Variants in PCDHA9 observed in about 807,000 individuals in gnomAD.
PCDHA9 encodes the protein protocadherin alpha-9.
Under a neutral mutation model 62.0 loss-of-function variants are expected in PCDHA9, and 62 were observed. The observed-to-expected ratio is 1.00, with a 90% CI of 0.81 to 1.23. The LOEUF is 1.23. Among genes scored for constraint, PCDHA9 ranks in the 50% most tolerant of loss-of-function variants. The probability of loss-of-function intolerance (pLI) is 0.00; values close to 1 mark genes in which losing one functional copy is unlikely to be tolerated. For synonymous variants in PCDHA9, 557 were observed against 567.6 expected, an observed-to-expected ratio of 0.98 and a Z score of 0.27; for missense variants, 1,205 against 1,249.8, an observed-to-expected ratio of 0.96 and a Z score of 0.54.
In PCDHA9 at chr5:140,848,723, G is replaced by T. The variant is rs2150418763; in HGVS notation, c.228G>T (p.Glu76Asp). 6.3e-7 allele frequency: 1 copy of T among 1,592,604 alleles called. No homozygotes were observed. Among genetic ancestry groups the T allele is most frequent in the South Asian group, 1.1e-5 (1 of 90,110 alleles). ...CCAAAGGCCGCGGGGACCTTCTGGA[G>T]GTAAATCTGCAGAATGGCATTTTGT... The part of the protein sequence containing the change: ...LDSKGRGDLL[E>D]VNLQNGILFV... The change falls in exon 1 of 4, where the codon GAG (glutamate) becomes GAT (aspartate). Residue 76 changes from glutamate to aspartate, a missense_variant. Physicochemically the swap from Glu to Asp is conservative, Grantham distance 45. This residue lies in a region of PCDHA9 where 208 missense variants were observed against 213.2 expected (regional missense o/e 0.98). Transcript: ENST00000532602.
intron 1 of PCDHA9, among the ~76,000 whole-genome samples, chr5:140,953,460 G>A (rs1025295552): frequency 1.3e-5 from 2 of 152,116 alleles, no homozygotes; most frequent in Non-Finnish European, 2.9e-5. Context: ...ATCTGTCAGA[G>A]TTTTAACTTC....
In PCDHA9 at chr5:140,848,635, G is replaced by A; in HGVS notation, c.140G>A (p.Arg47His). 2.5e-6 allele frequency: 4 copies of A among 1,593,292 alleles called. 1 individual carries two copies. Among genetic ancestry groups the A allele is most frequent in the Admixed American group, 1.7e-5 (1 of 59,228 alleles). Residue 47 changes from arginine (R) to histidine (H), a missense_variant, in exon 1 of 4, where the codon CGC becomes CAC. By Grantham distance (29) the Arg-to-His change is conservative. This residue lies in a region of PCDHA9 where 208 missense variants were observed against 213.2 expected (regional missense o/e 0.98). Transcript: ENST00000532602. ...GCCGAACACGGCACCTTCGTGGGCC[G>A]CATCGCGCAGGACCTGGGGCTGGAG... ...EEAEHGTFVG[R>H]IAQDLGLELA...
Position 141,010,492 on chromosome 5 carries a change from C to T in PCDHA9, c.*555C>T. 8.0e-6 allele frequency: 5 copies of T among 628,626 alleles called. No homozygotes were observed. 38.9% of individuals were successfully genotyped at this position (628,626 alleles called of 1,614,324 possible). On this transcript the variant is annotated 3_prime_UTR_variant, in exon 4 of 4. Coordinates refer to ENST00000532602, the MANE Select transcript of PCDHA9 (RefSeq NM_031857.2). ...AGGGGAAGTGTAAACTTAAAGGGAC[C>T]AGACTTTCTAAATCTTACAACTCAA... is the stretch of plus-strand genomic sequence containing the variant.
intron 1 of PCDHA9, chr5:140,869,028 G>C: frequency 1.3e-6 from 2 of 1,526,584 alleles, no homozygotes; most frequent in Non-Finnish European, 1.8e-6. Flanking sequence ...AATTCAACGA[G>C]ATTTTTAACC....
intron 1 of PCDHA9, chr5:140,876,139 A>G (rs1554168285): frequency 6.2e-7 from 1 of 1,613,960 alleles, no homozygotes; most frequent in South Asian, 1.1e-5. Context: ...ACCAGAACTA[A>G]CAGGGTCTGT....
rs963313279 is a variant in PCDHA9, at chr5:140,848,520, C to A, written c.25C>A (p.Pro9Thr). Residue 9 changes from proline (P) to threonine (T), a missense_variant, in exon 1 of 4, where the codon CCA (proline) becomes ACA (threonine). This residue lies in a region of PCDHA9 where 208 missense variants were observed against 213.2 expected (regional missense o/e 0.98). Coordinates refer to ENST00000532602, the MANE Select transcript of PCDHA9 (RefSeq NM_031857.2). MLYSSRGDPEGQPLLLSLL... is the reference protein window; with the variant it reads MLYSSRGDTEGQPLLLSLL... Reference sequence around the variant, plus strand: ...AATGTTATACTCAAGTCGAGGAGATCCAGAGGGTCAGCCTCTACTGCTCTC... The same window carrying A: ...AATGTTATACTCAAGTCGAGGAGATACAGAGGGTCAGCCTCTACTGCTCTC... The A allele has an allele frequency of 3.1e-6, 5 of 1,592,812 alleles. 1 individual carries two copies. The Admixed American group carries it at 5.1e-5, about 16-fold the overall frequency.
chr5:140,940,494 G>C (rs553813143), intron 1 of PCDHA9, among the ~76,000 whole-genome samples: 1 of 151,724 alleles, frequency 6.6e-6, no homozygotes, highest in East Asian at 1.9e-4. Context: ...GACAAGTCTT[G>C]CTCCGTCGCT....
rs529251467 is a variant in PCDHA9 at position 140,953,424 on chromosome 5, T to C, written c.2395-25525T>C. The stretch of plus-strand genomic sequence containing the variant: ...TGTTGCTCCTGGCTCCTCCCCTTTG[T>C]CCTTAAGCTGGAGAAACTAGGGATT... On this transcript the variant is annotated intron_variant, in intron 1 of 3. Transcript: ENST00000532602. 2.6e-5 allele frequency among the ~76,000 whole-genome samples: 4 copies of C among 152,230 alleles called. No individual in the cohort carries two copies. In the East Asian group the frequency reaches 7.7e-4, roughly 29 times the overall value.
chr5:140,913,569 A>G (rs1554195984), intron 1 of PCDHA9, among the ~76,000 whole-genome samples: 1 of 151,952 alleles, frequency 6.6e-6, no homozygotes, highest in Non-Finnish European at 1.5e-5. Flanking sequence ...TATTTTCATC[A>G]TTTCAAATAT....
rs781889029 is a variant in PCDHA9 at position 140,870,331 on chromosome 5, AGCGCCCTGGACC to A, written c.2394+19446_2394+19457del. The A allele has an allele frequency of 4.3e-6, 7 of 1,614,160 alleles. No homozygotes were observed. The South Asian group carries it at 7.7e-5, about 18-fold the overall frequency. Reference sequence around the variant, plus strand: ...GAATTACTACTCGTTGGTGCTGGACAGCGCCCTGGACCGCGAGAACGTGTGGGCCTATGAACT... The same window carrying A: ...GAATTACTACTCGTTGGTGCTGGACAGCGAGAACGTGTGGGCCTATGAACT... On this transcript the variant is annotated intron_variant, in intron 1 of 3. Coordinates refer to ENST00000532602, the MANE Select transcript of PCDHA9 (RefSeq NM_031857.2).
At chr5:140,886,631 G>T (rs1314948402) in intron 1 of PCDHA9, among the ~76,000 whole-genome samples, 1 of 151,860 alleles carries the variant, frequency 6.6e-6, no homozygotes. Context: ...TCCGAGACCA[G>T]CCTGGCCAAC....
Position 140,850,540 on chromosome 5 carries a change from C to T in PCDHA9, c.2045C>T (p.Ala682Val). ...CAGGCGCCAAAGTCATCGTCGCGGG[C>T]GTCAGTGGGTGCCACGGGCCCCGAG... ...SGQAPKSSSR[A>V]SVGATGPEVT... The change falls in exon 1 of 4, where the codon GCG becomes GTG. Residue 682 changes from alanine (A) to valine (V), a missense_variant. Coordinates refer to ENST00000532602, the MANE Select transcript of PCDHA9 (RefSeq NM_031857.2). 6.3e-7 allele frequency: 1 copy of T among 1,598,246 alleles called. No homozygotes were observed. Among genetic ancestry groups the T allele is most frequent in the Non-Finnish European group, 8.6e-7 (1 of 1,167,814 alleles).
Position 140,938,565 on chromosome 5 carries a change from A to G in PCDHA9, c.2395-40384A>G, listed in dbSNP as rs1347602327. Among the ~76,000 whole-genome samples the G allele has an allele frequency of 2.0e-5, 3 of 151,630 alleles. No individual in the cohort carries two copies. The East Asian group carries it at 5.8e-4, about 29-fold the overall frequency. On this transcript the variant is annotated intron_variant, in intron 1 of 3. Coordinates refer to ENST00000532602, the MANE Select transcript of PCDHA9 (RefSeq NM_031857.2). ...TTTTATCCTTTTATTAATAGCATGC[A>G]TTATATTGGTTGATTTGTTAATGAT...
chr5:140,982,633 A>G (rs2096992474), intron 3 of PCDHA9, 70 bp downstream of exon 3: 1 of 1,557,590 alleles, frequency 6.4e-7, no homozygotes, highest in Non-Finnish European at 8.7e-7. Flanking sequence ...CTTTTGTAAG[A>G]TCAGGAATGT....
intron 1 of PCDHA9, among the ~76,000 whole-genome samples, chr5:140,886,827 GAAAAAAAAAA>G (rs782016620): frequency 1.6e-5 from 1 of 60,890 alleles, no homozygotes; most frequent in East Asian, 5.7e-4. Flanking sequence ...ACTTCGTCTT[GAAAAAAAAAA>G]AAAAAAAAAA....
chr5:140,874,953 G>C (rs2055192015), intron 1 of PCDHA9, among the ~76,000 whole-genome samples: 1 of 152,212 alleles, frequency 6.6e-6, no homozygotes, highest in Admixed American at 6.5e-5. Flanking sequence ...GGAATTGTAA[G>C]CTATATAAGG....
chr5:140,853,203 G>A lies in PCDHA9; in HGVS notation c.2394+2314G>A. The A allele has an allele frequency of 3.1e-6, 3 of 982,590 alleles. 1 individual carries two copies. 60.9% of individuals were successfully genotyped at this position (982,590 alleles called of 1,614,324 possible). A position where few individuals can be genotyped will look rare whatever the true frequency, so the allele number is the denominator to read the frequency against. The stretch of plus-strand genomic sequence containing the variant: ...CTAAAATGTGTTCTTTATTATTGAC[G>A]GCTGTATTGATGGGATTGGTAATTT... On this transcript the variant is annotated intron_variant, in intron 1 of 3. Coordinates refer to ENST00000532602, the MANE Select transcript of PCDHA9 (RefSeq NM_031857.2).
rs373518493 is a variant in PCDHA9, at chr5:140,883,950, A to T, written c.2394+33061A>T. 129 of 1,613,288 alleles carry T rather than the reference A, an allele frequency of 8.0e-5. 1 individual carries two copies. In the East Asian group the frequency reaches 1.2e-3, roughly 15 times the overall value. Reference sequence around the variant, plus strand: ...GTGTTCGTGCTGGACGAGAACGACAACGCTCCGGCGCTGCTGACGCCCGGG... The same window carrying T: ...GTGTTCGTGCTGGACGAGAACGACATCGCTCCGGCGCTGCTGACGCCCGGG... On this transcript the variant is annotated intron_variant, in intron 1 of 3. Coordinates refer to ENST00000532602, the MANE Select transcript of PCDHA9 (RefSeq NM_031857.2).
At chr5:140,875,445 C>A (rs2055496471) in intron 1 of PCDHA9, 1 of 1,582,278 alleles carries the variant, frequency 6.3e-7, no homozygotes, top group Middle Eastern at 1.7e-4. Context: ...AACTGATTGT[C>A]CCAACTCAGA....
Sources: gnomAD v4.1 joint callset for allele counts (sites outside exome capture counted in the v4.1 genomes callset) on GRCh38, gnomAD v4.1.1 for gene constraint, gnomAD v4.1.1 regional missense constraint, MANE v1.5 for transcripts, NCBI Gene and HGNC (gene_info 2026-07-23, HGNC 2026-07-21) for gene names.